WNT7A: variants seen among roughly 807,000 people sequenced by gnomAD.
WNT7A encodes the protein protein Wnt-7a.
A neutral mutation model predicts 28.2 loss-of-function variants in WNT7A; 16 were observed. That is an observed-to-expected ratio of 0.57 (90% CI 0.38 to 0.86). WNT7A has a LOEUF of 0.86. Ranked by LOEUF, WNT7A falls within the 40% of genes least tolerant of loss-of-function variation. WNT7A has a pLI of 0.00. For missense variants in WNT7A, 411 were observed against 489.7 expected, an observed-to-expected ratio of 0.84 and a Z score of 1.52; for synonymous variants, 190 against 195.9, an observed-to-expected ratio of 0.97 and a Z score of 0.25.
At chr3:13,830,394 T>C (rs1034746838) in intron 3 of WNT7A, among the ~76,000 whole-genome samples, 7 of 152,134 alleles carry the variant, frequency 4.6e-5, no homozygotes, top group Non-Finnish European at 1.0e-4. Context: ...TGGCTTCCTC[T>C]CCTGTGCCCC....
intron 3 of WNT7A, among the ~76,000 whole-genome samples, chr3:13,830,636 A>G (rs75871146): frequency 0.01 from 1,523 of 151,668 alleles, 20 homozygotes; most frequent in African/African-American, 0.034. Context: ...TACACCCTGG[A>G]CTCCCTGTCC....
At position 13,834,539 on chromosome 3, in the gene WNT7A, G is replaced by C. The variant is rs145674831; in HGVS notation, c.571-15116C>G. 5.9e-5 allele frequency among the ~76,000 whole-genome samples: 9 copies of C among 151,996 alleles called. 1 individual carries two copies. The East Asian group carries it at 1.8e-3, about 30-fold the overall frequency. The stretch of plus-strand genomic sequence containing the variant: ...GCCTCTTTGACTTCATCTCCTCTTT[G>C]ACTTCATCTCCTATGCCCTCATTCA... On this transcript the variant is annotated intron_variant, in intron 3 of 3. Transcript: ENST00000285018.
chr3:13,874,878 G>A, intron 2 of WNT7A, 69 bp downstream of exon 2: 3 of 1,503,970 alleles, frequency 2.0e-6, no homozygotes, highest in Admixed American at 3.6e-5. Context: ...GTTCCAGAGG[G>A]CACCTGAGGG....
intron 2 of WNT7A, among the ~76,000 whole-genome samples, chr3:13,872,914 C>T (rs1480176846): frequency 1.3e-5 from 2 of 152,168 alleles, no homozygotes; most frequent in Admixed American, 1.3e-4. Flanking sequence ...GAGCAAGTCC[C>T]TTATGAGCCT....
At chr3:13,825,001 C>T (rs1245715340) in intron 3 of WNT7A, among the ~76,000 whole-genome samples, 5 of 152,088 alleles carry the variant, frequency 3.3e-5, no homozygotes, top group African/African-American at 7.2e-5. Context: ...GTGCAAGGTC[C>T]GTGGTTAAGA....
intron 2 of WNT7A, among the ~76,000 whole-genome samples, chr3:13,868,828 G>GAGAA (rs1553576870): frequency 2.1e-4 from 10 of 47,454 alleles, no homozygotes; most frequent in Admixed American, 4.8e-4. Flanking sequence ...GAGAGAGAAA[G>GAGAA]AGAGAAAGAG....
At chr3:13,863,442 A>ACG (rs1694864504) in intron 2 of WNT7A, among the ~76,000 whole-genome samples, 1 of 149,780 alleles carries the variant, frequency 6.7e-6, no homozygotes, top group Non-Finnish European at 1.5e-5. Flanking sequence ...GTATGTGTAT[A>ACG]TGTGTGTGTG....
At chr3:13,869,151 A>G (rs1482031663) in intron 2 of WNT7A, among the ~76,000 whole-genome samples, 1 of 146,052 alleles carries the variant, frequency 6.8e-6, no homozygotes, top group African/African-American at 2.5e-5. Context: ...GAAGGAAGGA[A>G]AGAAGGAAGG....
In WNT7A at chr3:13,827,078, T is replaced by TA. The variant is rs1694207581; in HGVS notation, c.571-7656_571-7655insT. On this transcript the variant is annotated intron_variant, in intron 3 of 3. Transcript: ENST00000285018. ...CACTACTCCACAGGGTCTGCAGGCC[T>TA]GACCCAGGACAGAGTGAGCAGGAAG... 2.0e-5 allele frequency among the ~76,000 whole-genome samples: 3 copies of TA among 152,166 alleles called. No individual in the cohort carries two copies. The South Asian group carries it at 6.2e-4, about 31-fold the overall frequency.
chr3:13,817,459 CACACACACACA>C lies in WNT7A; in HGVS notation c.*1474_*1484del, dbSNP rs1329690089. ...ACACACACACACACACACACACACA[CACACACACACA>C]CCGGAAATGCAAACGGACACATATT... On this transcript the variant is annotated 3_prime_UTR_variant, in exon 4 of 4. Transcript: ENST00000285018. 8 of 126,476 alleles carry C rather than the reference CACACACACACA, an allele frequency of 6.3e-5. No individual in the cohort carries two copies. The highest frequency in any genetic ancestry group is 4.0e-4 in the East Asian group (2 of 4,944). 7.8% of individuals were successfully genotyped at this position (126,476 alleles called of 1,614,324 possible).
At chr3:13,839,764 G>C (rs1694427257) in intron 3 of WNT7A, among the ~76,000 whole-genome samples, 1 of 152,152 alleles carries the variant, frequency 6.6e-6, no homozygotes, top group Non-Finnish European at 1.5e-5. Context: ...ACTAAATATA[G>C]AAATGGTGAG....
intron 3 of WNT7A, 28 bp from the exon 4 acceptor site, chr3:13,819,451 G>A: frequency 6.2e-7 from 1 of 1,607,200 alleles, no homozygotes; most frequent in Non-Finnish European, 8.5e-7. Flanking sequence ...GAAGAGCACA[G>A]CACAGGTCAC....
At chr3:13,840,959 A>G (rs1490177244) in intron 3 of WNT7A, among the ~76,000 whole-genome samples, 2 of 152,200 alleles carry the variant, frequency 1.3e-5, no homozygotes, top group African/African-American at 4.8e-5. Flanking sequence ...TCATGTTGTC[A>G]TATTTACATG....
chr3:13,879,994 C>A lies in WNT7A; in HGVS notation c.-178G>T, dbSNP rs943878549. 4 of 412,324 alleles carry A rather than the reference C, an allele frequency of 9.7e-6. No individual in the cohort carries two copies. The highest frequency in any genetic ancestry group is 2.1e-5 in the African/African-American group (1 of 47,890). 25.5% of individuals were successfully genotyped at this position (412,324 alleles called of 1,614,324 possible). A position where few individuals can be genotyped will look rare whatever the true frequency, so the allele number is the denominator to read the frequency against. On this transcript the variant is annotated 5_prime_UTR_variant, in exon 1 of 4. Coordinates refer to ENST00000285018, the MANE Select transcript of WNT7A (RefSeq NM_004625.4). Reference sequence around the variant, plus strand: ...AGCCTCGCCAGGAGCACGGGAGCCACGGAGCGGGAGGAGGGAGGGAGGAGC... The same window carrying A: ...AGCCTCGCCAGGAGCACGGGAGCCAAGGAGCGGGAGGAGGGAGGGAGGAGC...
At chr3:13,826,347 C>T (rs1056693586) in intron 3 of WNT7A, among the ~76,000 whole-genome samples, 1 of 152,080 alleles carries the variant, frequency 6.6e-6, no homozygotes, top group South Asian at 2.1e-4. Context: ...AACTTGAACC[C>T]GTGAGATGCT....
At chr3:13,827,715 A>G (rs1432439150) in intron 3 of WNT7A, among the ~76,000 whole-genome samples, 2 of 152,068 alleles carry the variant, frequency 1.3e-5, no homozygotes, top group Admixed American at 6.5e-5. Flanking sequence ...TGGTGCTCCT[A>G]TGACTGGAAG....
At chr3:13,824,974 C>T (rs1694171072) in intron 3 of WNT7A, among the ~76,000 whole-genome samples, 1 of 152,194 alleles carries the variant, frequency 6.6e-6, no homozygotes, top group Non-Finnish European at 1.5e-5. Context: ...GGCTCTTACT[C>T]ACTAACCAAG....
intron 1 of WNT7A, among the ~76,000 whole-genome samples, chr3:13,876,249 C>T (rs1695108310): frequency 6.6e-6 from 1 of 152,164 alleles, no homozygotes; most frequent in East Asian, 1.9e-4. Flanking sequence ...AGTTCGGGGT[C>T]TTCAAGGAAT....
intron 3 of WNT7A, among the ~76,000 whole-genome samples, chr3:13,842,943 G>C (rs1694485125): frequency 1.3e-5 from 2 of 152,180 alleles, no homozygotes; most frequent in Non-Finnish European, 2.9e-5. Flanking sequence ...GGGCTGAAAG[G>C]ACAAGGGCAG....
Sources: allele counts gnomAD v4.1 joint callset (sites outside exome capture counted in the v4.1 genomes callset), GRCh38; gene constraint gnomAD v4.1.1; transcripts MANE v1.5; gene names NCBI Gene and HGNC (gene_info 2026-07-23, HGNC 2026-07-21).